The following AGAP1 variants were observed in gnomAD, a reference collection of about 807,000 sequenced individuals.
AGAP1 encodes ArfGAP with GTPase domain, ankyrin repeat and PH domain 1.
Under a neutral mutation model 105.3 loss-of-function variants are expected in AGAP1, and 29 were observed. The ratio of observed to expected loss-of-function variants is 0.28; its 90% CI spans 0.21 to 0.38. AGAP1 has a LOEUF of 0.38. AGAP1 is among the 10% of genes least tolerant of loss of function. AGAP1 has a pLI of 1.00. For synonymous variants in AGAP1, 509 were observed against 485.9 expected, an observed-to-expected ratio of 1.05 and a Z score of -0.63; for missense variants, 998 against 1,165.1, an observed-to-expected ratio of 0.86 and a Z score of 2.09.
intron 9 of AGAP1, among the ~76,000 whole-genome samples, chr2:235,823,554 G>T (rs988591628): frequency 1.3e-5 from 2 of 152,100 alleles, no homozygotes; most frequent in Non-Finnish European, 2.9e-5. Flanking sequence ...TCCCAGGAAG[G>T]GTAAAGAGCT....
chr2:235,812,057 T>G (rs1451115846), intron 9 of AGAP1, among the ~76,000 whole-genome samples: 1 of 152,220 alleles, frequency 6.6e-6, no homozygotes, highest in Non-Finnish European at 1.5e-5. Context: ...GCCAAGGTGC[T>G]GTTTCTCAGT....
At position 235,799,285 on chromosome 2, in the gene AGAP1, T is replaced by G; in HGVS notation, c.802-82T>G. 6.7e-7 allele frequency: 1 copy of G among 1,498,666 alleles called. No individual in the cohort carries two copies. Among genetic ancestry groups the G allele is most frequent in the Non-Finnish European group, 9.1e-7 (1 of 1,097,242 alleles). 92.8% of individuals were successfully genotyped at this position (1,498,666 alleles called of 1,614,324 possible). ...CCCTTCCATGGGGCTCATGCTCACTTGTTGGTTATGACCTTGCCTAAGTGG... is the reference window on the plus strand; with the variant it reads ...CCCTTCCATGGGGCTCATGCTCACTGGTTGGTTATGACCTTGCCTAAGTGG... On this transcript the variant is annotated intron_variant, in intron 7 of 17. Coordinates refer to ENST00000304032, the MANE Select transcript of AGAP1 (RefSeq NM_001037131.3). The surrounding 1 kb of genome is among the most constrained non-coding windows in gnomAD (Gnocchi z 5.0).
chr2:235,929,271 A>G (rs540294241), intron 11 of AGAP1, among the ~76,000 whole-genome samples: 1 of 152,204 alleles, frequency 6.6e-6, no homozygotes, highest in African/African-American at 2.4e-5. Flanking sequence ...CTGGGATCTT[A>G]CTAAGAGGCA....
chr2:236,067,119 A>G (rs973536639), intron 16 of AGAP1, among the ~76,000 whole-genome samples: 28 of 151,696 alleles, frequency 1.8e-4, no homozygotes, highest in Non-Finnish European at 2.5e-4. Flanking sequence ...CAGAGTTCCA[A>G]CTCAGGTCAG....
rs1465051546 is a variant in AGAP1 at position 235,979,475 on chromosome 2, T to A, written c.1645+10852T>A. 6.6e-6 allele frequency among the ~76,000 whole-genome samples: 1 copy of A among 152,178 alleles called. No homozygotes were observed. The highest frequency in any genetic ancestry group is 2.4e-5 in the African/African-American group (1 of 41,442). On this transcript the variant is annotated intron_variant, in intron 13 of 17. Coordinates refer to ENST00000304032, the MANE Select transcript of AGAP1 (RefSeq NM_001037131.3). This position sits in a 1 kb window ranked among gnomAD's most constrained non-coding sequence, Gnocchi z 4.5. Reference sequence around the variant, plus strand: ...ATTAATGCTTTGGAGAAGGTGTAGTTGAGATAAACTTTGTGTGTTTATTTA... The same window carrying A: ...ATTAATGCTTTGGAGAAGGTGTAGTAGAGATAAACTTTGTGTGTTTATTTA...
chr2:235,774,285 G>A (rs1044700249), intron 6 of AGAP1: 1 of 462,804 alleles, frequency 2.2e-6, no homozygotes, highest in Admixed American at 2.5e-5. Flanking sequence ...ACAGCCATCA[G>A]AGGAGTCCCT....
At chr2:235,790,430 C>G (rs1056908140) in intron 6 of AGAP1, among the ~76,000 whole-genome samples, 2 of 152,142 alleles carry the variant, frequency 1.3e-5, no homozygotes, top group Non-Finnish European at 2.9e-5. Context: ...CTGCTGAGTT[C>G]AGCCCCTGAG....
intron 13 of AGAP1, among the ~76,000 whole-genome samples, chr2:235,969,334 C>T (rs1460537932): frequency 1.3e-5 from 2 of 152,016 alleles, no homozygotes; most frequent in African/African-American, 4.8e-5. Flanking sequence ...ACACACCCCC[C>T]ACATTATGAG....
At chr2:235,619,032 A>C (rs1946392555) in intron 1 of AGAP1, among the ~76,000 whole-genome samples, 1 of 152,208 alleles carries the variant, frequency 6.6e-6, no homozygotes, top group African/African-American at 2.4e-5. Flanking sequence ...CCATGAGCCA[A>C]GGAATGGGGG....
Position 235,660,378 on chromosome 2 carries a change from A to G in AGAP1, c.164-48801A>G, listed in dbSNP as rs1055210146. ...GTAACATGACTGAGGCATTACCTGC[A>G]CTGATTAAGTCAACCATCAAGCAGC... is the stretch of plus-strand genomic sequence containing the variant. On this transcript the variant is annotated intron_variant, in intron 1 of 17. Coordinates refer to ENST00000304032, the MANE Select transcript of AGAP1 (RefSeq NM_001037131.3). This position sits in a 1 kb window ranked among gnomAD's most constrained non-coding sequence, Gnocchi z 5.3. Among the ~76,000 whole-genome samples, 4 of 152,206 alleles carry G rather than the reference A, an allele frequency of 2.6e-5. No individual in the cohort carries two copies. The highest frequency in any genetic ancestry group is 9.6e-5 in the African/African-American group (4 of 41,454).
At position 235,994,225 on chromosome 2, in the gene AGAP1, G is replaced by A. The variant is rs1031984666; in HGVS notation, c.1645+25602G>A. ...ACTCTCATTTTGGCAAGACACCTTC[G>A]TCTTAGAGTGCCTACATCCATTTCT... On this transcript the variant is annotated intron_variant, in intron 13 of 17. Transcript: ENST00000304032. This position sits in a 1 kb window ranked among gnomAD's most constrained non-coding sequence, Gnocchi z 4.4. Among the ~76,000 whole-genome samples the A allele has an allele frequency of 2.0e-5, 3 of 152,106 alleles. No homozygotes were observed.
intron 1 of AGAP1, among the ~76,000 whole-genome samples, chr2:235,554,683 T>G (rs1038616892): frequency 3.3e-5 from 5 of 152,226 alleles, no homozygotes; most frequent in Non-Finnish European, 7.3e-5. Flanking sequence ...ATTTCTTTCT[T>G]TCTTTCTTTT....
rs888243538 is a variant in AGAP1, at chr2:236,089,446, A to C, written c.2115-30746A>C. On this transcript the variant is annotated intron_variant, in intron 16 of 17. Transcript: ENST00000304032. This position sits in a 1 kb window ranked among gnomAD's most constrained non-coding sequence, Gnocchi z 5.6. ...GCATGCTGGAGATAAAGCGCCTACT[A>C]GGCTGCCGGGTACTGGCAGAAGAGA... is the stretch of plus-strand genomic sequence containing the variant. Among the ~76,000 whole-genome samples the C allele has an allele frequency of 6.6e-6, 1 of 152,216 alleles. No individual in the cohort carries two copies. The highest frequency in any genetic ancestry group is 2.4e-5 in the African/African-American group (1 of 41,462).
Position 235,900,367 on chromosome 2 carries a change from C to A in AGAP1, c.1156-8371C>A, listed in dbSNP as rs752763187. 7.9e-5 allele frequency among the ~76,000 whole-genome samples: 12 copies of A among 151,810 alleles called. No individual in the cohort carries two copies. Among genetic ancestry groups the A allele is most frequent in the Non-Finnish European group, 1.8e-4 (12 of 67,980 alleles). On this transcript the variant is annotated intron_variant, in intron 10 of 17. Coordinates refer to ENST00000304032, the MANE Select transcript of AGAP1 (RefSeq NM_001037131.3). This position sits in a 1 kb window ranked among gnomAD's most constrained non-coding sequence, Gnocchi z 5.5. ...CCAAAGTGGCCAGGTGACAATCTTA[C>A]AGTTTAATGGAATTGTTGTTGTGTC...
intron 1 of AGAP1, among the ~76,000 whole-genome samples, chr2:235,638,211 G>A (rs371287377): frequency 7.7e-4 from 118 of 152,268 alleles, no homozygotes; most frequent in African/African-American, 2.2e-3. Context: ...CGTGGCCTGG[G>A]TATACTCCTC....
chr2:235,606,236 TA>T (rs1202900270), intron 1 of AGAP1, among the ~76,000 whole-genome samples: 1 of 152,216 alleles, frequency 6.6e-6, no homozygotes, highest in Non-Finnish European at 1.5e-5. Context: ...TGCCCTTTTT[TA>T]ACCCCTTGGT....
chr2:235,907,732 T>C (rs1005995374), intron 10 of AGAP1, among the ~76,000 whole-genome samples: 3 of 152,200 alleles, frequency 2.0e-5, no homozygotes, highest in African/African-American at 7.2e-5. Context: ...GCATAGTATT[T>C]ATATATAACC....
intron 13 of AGAP1, among the ~76,000 whole-genome samples, chr2:235,985,743 T>C (rs897348945): frequency 3.3e-5 from 5 of 152,258 alleles, no homozygotes. Flanking sequence ...TCCCCATTGC[T>C]TGTTTTTGTC....
chr2:235,879,790 G>A lies in AGAP1; in HGVS notation c.1051-3555G>A, dbSNP rs2049917060. On this transcript the variant is annotated intron_variant, in intron 9 of 17. Transcript: ENST00000304032. This position sits in a 1 kb window ranked among gnomAD's most constrained non-coding sequence, Gnocchi z 5.0. The stretch of plus-strand genomic sequence containing the variant: ...AAAAAATAAAATAAAAAATTAGACA[G>A]ACATGGTGGCATGTGTGTGTAGTCC... Among the ~76,000 whole-genome samples, 1 of 152,124 alleles carries A rather than the reference G, an allele frequency of 6.6e-6. No individual in the cohort carries two copies. The highest frequency in any genetic ancestry group is 2.1e-4 in the South Asian group (1 of 4,828).
Sources: allele counts gnomAD v4.1 joint callset (sites outside exome capture counted in the v4.1 genomes callset), GRCh38; gene constraint gnomAD v4.1.1; non-coding constraint Gnocchi (gnomAD v3.1); transcripts MANE v1.5; gene names NCBI Gene and HGNC (gene_info 2026-07-23, HGNC 2026-07-21).